CARHSP1: variants seen among roughly 807,000 people sequenced by gnomAD.
The protein encoded by CARHSP1 is calcium-regulated heat-stable protein 1.
In CARHSP1, 14 loss-of-function variants were observed where a neutral mutation model predicts 12.5. That is an observed-to-expected ratio of 1.12 (90% CI 0.74 to 1.75). The LOEUF (loss-of-function observed/expected upper bound fraction) is 1.75. CARHSP1 is among the 40% of genes most tolerant of loss of function. The pLI is 0.00. For missense variants in CARHSP1, 343 were observed against 201.6 expected (o/e 1.70, Z -4.25); for synonymous variants, 161 against 82.0 (o/e 1.96, Z -5.20).
intron 1 of CARHSP1, chr16:8,868,621 C>G (rs1315408294): frequency 6.6e-6 from 1 of 151,780 alleles, no homozygotes; most frequent in Admixed American, 6.5e-5. Flanking sequence ...CACCGCCCGG[C>G]GAGTCCCCCG....
intron 1 of CARHSP1, chr16:8,860,454 G>C (rs947998200): frequency 1.0e-6 from 1 of 985,274 alleles, no homozygotes; most frequent in Non-Finnish European, 1.2e-6. Flanking sequence ...ACTGAACATT[G>C]AATATGAAGG....
Position 8,858,487 on chromosome 16 carries a change from G to C in CARHSP1, c.159-15C>G. The C allele has an allele frequency of 6.2e-7, 1 of 1,612,478 alleles. No homozygotes were observed. Among genetic ancestry groups the C allele is most frequent in the Non-Finnish European group, 8.5e-7 (1 of 1,179,776 alleles). On this transcript the variant is annotated splice_polypyrimidine_tract_variant and intron_variant, in intron 2 of 3. Coordinates refer to ENST00000311052, the MANE Select transcript of CARHSP1 (RefSeq NM_014316.4). ...CCCGCACCGTCCTGACAGAGAGGGG[G>C]AAATGTCAGGGGCCCCATCAGCGCT...
intron 1 of CARHSP1, chr16:8,860,634 G>T (rs1190836342): frequency 1.7e-5 from 6 of 344,422 alleles, no homozygotes; most frequent in Admixed American, 9.1e-5. Context: ...GGTGATGGGG[G>T]TACGAGATGA....
chr16:8,868,744 C>T (rs1212748602), intron 1 of CARHSP1: 1 of 152,060 alleles, frequency 6.6e-6, no homozygotes, highest in Non-Finnish European at 1.5e-5. Flanking sequence ...GCCTAGAATC[C>T]TTGCCGCTGT....
At chr16:8,856,469 C>A (rs116632308) in intron 3 of CARHSP1, among the ~76,000 whole-genome samples, 6,866 of 152,084 alleles carry the variant, frequency 0.045, 225 homozygotes, top group Middle Eastern at 0.13. Flanking sequence ...CTAAATATTT[C>A]TTTGCCCCAA....
In CARHSP1 at chr16:8,853,100, G is replaced by C. The variant is rs781189996; in HGVS notation, c.*2064C>G. 3 of 152,018 alleles carry C rather than the reference G, an allele frequency of 2.0e-5. No homozygotes were observed. Among genetic ancestry groups the C allele is most frequent in the Non-Finnish European group, 4.4e-5 (3 of 68,018 alleles). 9.4% of individuals were successfully genotyped at this position (152,018 alleles called of 1,614,324 possible). ...TTCCCCTTGTGTAAACCGGTATCGC[G>C]TCCCTTCCAGCTCTGACATCCTGCG... On this transcript the variant is annotated 3_prime_UTR_variant, in exon 4 of 4. Transcript: ENST00000311052.
Position 8,855,320 on chromosome 16 carries a change from T to A in CARHSP1, c.288A>T (p.Glu96Asp), listed in dbSNP as rs2061063390. 1 of 1,600,548 alleles carries A rather than the reference T, an allele frequency of 6.2e-7. No individual in the cohort carries two copies. The highest frequency in any genetic ancestry group is 8.5e-7 in the Non-Finnish European group (1 of 1,171,968). ...CGCCTTCCACTGGGACATACTCCCC[T>A]TCCACACTACGGGGGCATAAATAAA... ...PDIFLHISDV[E>D]GEYVPVEGDE... Residue 96 changes from glutamate to aspartate, a missense_variant, in exon 4 of 4, where the codon GAA (glutamate) becomes GAT (aspartate). Glu to Asp is a conservative substitution (Grantham distance 45). Transcript: ENST00000311052.
At chr16:8,857,462 T>TC (rs1206044685) in intron 3 of CARHSP1, 1 of 94,144 alleles carries the variant, frequency 1.1e-5, no homozygotes, top group Non-Finnish European at 2.1e-5. Flanking sequence ...TTTTTTTTTT[T>TC]TCTATTTTTT....
At chr16:8,866,399 C>T (rs528313665) in intron 1 of CARHSP1, 3 of 980,872 alleles carry the variant, frequency 3.1e-6, no homozygotes, top group East Asian at 2.3e-4. Context: ...CGGGGTGAGA[C>T]TCTAGCAGAG....
intron 3 of CARHSP1, among the ~76,000 whole-genome samples, chr16:8,856,205 C>G (rs1016629212): frequency 2.0e-5 from 3 of 152,176 alleles, no homozygotes; most frequent in Admixed American, 6.5e-5. Flanking sequence ...CCCTTACTTT[C>G]TAGGGGACAT....
At chr16:8,855,975 A>AT (rs1443541779) in intron 3 of CARHSP1, among the ~76,000 whole-genome samples, 1 of 149,180 alleles carries the variant, frequency 6.7e-6, no homozygotes, top group Non-Finnish European at 1.5e-5. Flanking sequence ...CAGCCAGCTA[A>AT]TTTTTGTATT....
chr16:8,865,660 C>T (rs910024009), intron 1 of CARHSP1, among the ~76,000 whole-genome samples: 4 of 152,194 alleles, frequency 2.6e-5, no homozygotes, highest in Admixed American at 6.5e-5. Flanking sequence ...GGTAGTGGCC[C>T]GCACTATGGG....
chr16:8,861,918 A>G (rs1007041596), intron 1 of CARHSP1: 9 of 622,732 alleles, frequency 1.4e-5, no homozygotes, highest in Non-Finnish European at 2.0e-5. Flanking sequence ...CTCCACAGTT[A>G]GAGACACTGC....
chr16:8,859,369 C>CTTG, intron 1 of CARHSP1, 34 bp from the exon 2 acceptor site: 1 of 1,577,994 alleles, frequency 6.3e-7, no homozygotes. Context: ...GGGCTCGTGC[C>CTTG]TTGCAAGGTA....
At chr16:8,861,798 A>G (rs2061363710) in intron 1 of CARHSP1, 5 of 1,245,578 alleles carry the variant, frequency 4.0e-6, no homozygotes, top group African/African-American at 1.6e-5. Context: ...CACAGGTCAT[A>G]GAGTCCTAGA....
intron 1 of CARHSP1, among the ~76,000 whole-genome samples, chr16:8,861,985 C>G (rs2061368801): frequency 1.2e-5 from 1 of 81,054 alleles, no homozygotes; most frequent in Admixed American, 1.4e-4. Flanking sequence ...TCAAGCATAG[C>G]TGACTTTTTT....
chr16:8,855,108 C>T lies in CARHSP1; in HGVS notation c.*56G>A, dbSNP rs1022746382. The T allele has an allele frequency of 2.6e-4, 369 of 1,420,112 alleles. No individual in the cohort carries two copies. Among genetic ancestry groups the T allele is most frequent in the Non-Finnish European group, 3.3e-4 (355 of 1,062,758 alleles). The allele number at this position is 1,420,112 out of a possible 1,614,324, so 88.0% of individuals were successfully genotyped here. ...AGAATGTCATCTCCAGTGTCTGCTG[C>T]CTCCTCCCTGCAAAGTCTCCCACAA... On this transcript the variant is annotated 3_prime_UTR_variant, in exon 4 of 4. Transcript: ENST00000311052.
rs1474070653 is a variant in CARHSP1, at chr16:8,853,504, C to T, written c.*1660G>A. 7 of 152,192 alleles carry T rather than the reference C, an allele frequency of 4.6e-5. No homozygotes were observed. Among genetic ancestry groups the T allele is most frequent in the African/African-American group, 1.7e-4 (7 of 41,444 alleles). 9.4% of individuals were successfully genotyped at this position (152,192 alleles called of 1,614,324 possible). ...AACATGCGTATTTGCTATTCTCAAA[C>T]AACTCCCTTCCACCCCCTTAGGCTG... On this transcript the variant is annotated 3_prime_UTR_variant, in exon 4 of 4. Transcript: ENST00000311052.
rs140448527 is a variant in CARHSP1, at chr16:8,859,293, G to T, written c.36C>A (p.Pro12=). 3.4e-5 allele frequency: 55 copies of T among 1,603,392 alleles called. 1 individual carries two copies. The highest frequency in any genetic ancestry group is 6.8e-5 in the African/African-American group (5 of 73,190). ...GCAGCCCGACTGAAGCTTGATGGGTGGGGGGCTGTGGTGGTGGGGGAGGCT... is the reference window on the plus strand; with the variant it reads ...GCAGCCCGACTGAAGCTTGATGGGTTGGGGGCTGTGGTGGTGGGGGAGGCT... ...SSEPPPPPQP[P]THQASVGLLD... Residue 12 remains proline, a synonymous_variant, in exon 2 of 4, where the codon CCC becomes CCA. Coordinates refer to ENST00000311052, the MANE Select transcript of CARHSP1 (RefSeq NM_014316.4).
Sources: gnomAD v4.1 joint callset for allele counts (sites outside exome capture counted in the v4.1 genomes callset) on GRCh38, gnomAD v4.1.1 for gene constraint, MANE v1.5 for transcripts, NCBI Gene and HGNC (gene_info 2026-07-23, HGNC 2026-07-21) for gene names.